Variants in KLF12 observed in about 807,000 individuals in gnomAD.
KLF12 encodes KLF transcription factor 12, also known as Krueppel-like factor 12.
KLF12 carries 9 observed loss-of-function variants against 37.8 expected under a neutral mutation model. The ratio of observed to expected loss-of-function variants is 0.24; its 90% CI spans 0.14 to 0.42. The LOEUF is 0.42. KLF12 is among the 10% of genes least tolerant of loss of function. The pLI, the probability that KLF12 is intolerant of heterozygous loss-of-function variation, is 1.00. For synonymous variants in KLF12, 208 were observed against 202.1 expected (o/e 1.03, Z -0.25); for missense variants, 411 against 516.0 (o/e 0.80, Z 1.97).
At chr13:73,771,676 C>T (rs904726163) in intron 5 of KLF12, among the ~76,000 whole-genome samples, 1 of 152,092 alleles carries the variant, frequency 6.6e-6, no homozygotes, top group South Asian at 2.1e-4. Flanking sequence ...AAATAGGATC[C>T]CTGCCCTCAG....
intron 2 of KLF12, among the ~76,000 whole-genome samples, chr13:73,987,809 G>A (rs888153081): frequency 2.2e-5 from 3 of 136,116 alleles, no homozygotes; most frequent in African/African-American, 2.8e-5. Context: ...AGAGAAAGTG[G>A]GGGGGTAGAT....
chr13:74,239,859 C>T, the KLF12 span, among the ~76,000 whole-genome samples: 6 of 151,788 alleles, frequency 4.0e-5, no homozygotes, highest in Non-Finnish European at 8.8e-5. Flanking sequence ...GATGGGTCTC[C>T]TGAATACAGC....
At chr13:73,794,006 A>T (rs1308303443) in intron 5 of KLF12, among the ~76,000 whole-genome samples, 3 of 152,244 alleles carry the variant, frequency 2.0e-5, no homozygotes, top group Non-Finnish European at 4.4e-5. Context: ...GACCTAAGAC[A>T]TAATTTAGTC....
At chr13:74,075,140 A>T (rs1291450645) in intron 1 of KLF12, among the ~76,000 whole-genome samples, 1 of 152,192 alleles carries the variant, frequency 6.6e-6, no homozygotes, top group Admixed American at 6.5e-5. Flanking sequence ...AAGGAAGGGA[A>T]GGAAGGAACG....
At chr13:73,834,182 TAAC>T (rs1309127988) in intron 4 of KLF12, among the ~76,000 whole-genome samples, 1 of 152,174 alleles carries the variant, frequency 6.6e-6, no homozygotes, top group African/African-American at 2.4e-5. Context: ...TGAGCATTTA[TAAC>T]AATATAAACC....
At chr13:74,280,357 G>T in the KLF12 span, among the ~76,000 whole-genome samples, 1 of 152,148 alleles carries the variant, frequency 6.6e-6, no homozygotes, top group African/African-American at 2.4e-5. Flanking sequence ...AGAAGTCCCT[G>T]AAACCACTGG....
At chr13:73,946,230 A>G (rs1890416626) in intron 2 of KLF12, among the ~76,000 whole-genome samples, 1 of 152,220 alleles carries the variant, frequency 6.6e-6, no homozygotes, top group African/African-American at 2.4e-5. Context: ...GGAAGGCCCA[A>G]GCAAAAGAGG....
intron 1 of KLF12, among the ~76,000 whole-genome samples, chr13:74,091,193 G>T (rs12583800): frequency 6.6e-6 from 1 of 151,952 alleles, no homozygotes; most frequent in Non-Finnish European, 1.5e-5. Context: ...AATGACTTTG[G>T]ACCCTTGCCT....
intron 2 of KLF12, among the ~76,000 whole-genome samples, chr13:73,944,747 T>C (rs1478552591): frequency 7.2e-6 from 1 of 138,404 alleles, no homozygotes; most frequent in Non-Finnish European, 1.6e-5. Context: ...CTTATCTATA[T>C]TGTAGCTCAA....
At chr13:73,759,145 A>G (rs1214873308) in intron 6 of KLF12, among the ~76,000 whole-genome samples, 1 of 152,152 alleles carries the variant, frequency 6.6e-6, no homozygotes, top group African/African-American at 2.4e-5. Context: ...GACATCAACT[A>G]TGGCCCATTT....
At chr13:74,087,797 A>T (rs1354245309) in intron 1 of KLF12, among the ~76,000 whole-genome samples, 3 of 152,054 alleles carry the variant, frequency 2.0e-5, no homozygotes, top group Non-Finnish European at 4.4e-5. Flanking sequence ...TATTATCTGT[A>T]ATGTATAATA....
the KLF12 span, among the ~76,000 whole-genome samples, chr13:74,201,362 G>C: frequency 2.0e-5 from 3 of 152,128 alleles, no homozygotes; most frequent in African/African-American, 4.8e-5. Flanking sequence ...ATGTGCCTAC[G>C]TAGGTAAAAT....
At chr13:74,220,748 C>T in the KLF12 span, among the ~76,000 whole-genome samples, 3 of 152,194 alleles carry the variant, frequency 2.0e-5, no homozygotes, top group African/African-American at 4.8e-5. Context: ...TTGCACTCCA[C>T]ATATAAGATC....
the KLF12 span, among the ~76,000 whole-genome samples, chr13:74,226,175 T>C: frequency 6.6e-6 from 1 of 152,028 alleles, no homozygotes; most frequent in African/African-American, 2.4e-5. Flanking sequence ...TAAGATTAGA[T>C]AGAAAACAAA....
intron 2 of KLF12, among the ~76,000 whole-genome samples, chr13:73,993,012 A>G (rs191852650): frequency 4.3e-4 from 65 of 152,328 alleles, no homozygotes; most frequent in African/African-American, 1.1e-3. Flanking sequence ...TGGGAGGATC[A>G]CTTGAGGTCA....
At chr13:73,794,161 C>A (rs1881835810) in intron 5 of KLF12, among the ~76,000 whole-genome samples, 1 of 152,160 alleles carries the variant, frequency 6.6e-6, no homozygotes, top group South Asian at 2.1e-4. Flanking sequence ...CTGGGATAGC[C>A]TTTTTAAAAA....
At chr13:74,121,464 A>G (rs1009720825) in intron 1 of KLF12, among the ~76,000 whole-genome samples, 6 of 152,064 alleles carry the variant, frequency 3.9e-5, no homozygotes, top group Non-Finnish European at 5.9e-5. Context: ...CCATTAAACA[A>G]AACAAAACAA....
chr13:73,753,185 T>A (rs1219643510), intron 6 of KLF12, among the ~76,000 whole-genome samples: 1 of 152,056 alleles, frequency 6.6e-6, no homozygotes, highest in Non-Finnish European at 1.5e-5. Flanking sequence ...ACTACATGTT[T>A]CTGCTCCCAC....
chr13:73,764,938 C>T lies in KLF12; in HGVS notation c.869G>A (p.Cys290Tyr). 6.5e-7 allele frequency: 1 copy of T among 1,541,636 alleles called. No individual in the cohort carries two copies. Among genetic ancestry groups the T allele is most frequent in the South Asian group, 1.1e-5 (1 of 89,072 alleles). Reference sequence around the variant, plus strand: ...TACTCATATTAGACTGTATACTCACCAAGGAAACTTTTGATTATTCATTCG... The same window carrying T: ...TACTCATATTAGACTGTATACTCACTAAGGAAACTTTTGATTATTCATTCG... Residue 290 changes from cysteine to tyrosine, a missense_variant and splice_region_variant, in exon 6 of 8, where the codon TGT becomes TAT. This residue lies in a region of KLF12 where 351 missense variants were observed against 397.8 expected (regional missense o/e 0.88). Transcript: ENST00000377669.
Sources: allele counts gnomAD v4.1 joint callset (sites outside exome capture counted in the v4.1 genomes callset), GRCh38; gene constraint gnomAD v4.1.1; regional missense constraint gnomAD v4.1.1; transcripts MANE v1.5; gene names NCBI Gene and HGNC (gene_info 2026-07-23, HGNC 2026-07-21).